The following KIAA1671 variants were observed in gnomAD, a reference collection of about 807,000 sequenced individuals.
The protein encoded by KIAA1671 is uncharacterized protein KIAA1671.
KIAA1671 carries 52 observed loss-of-function variants against 131.2 expected under a neutral mutation model. The observed-to-expected ratio is 0.40, with a 90% CI of 0.32 to 0.50. The LOEUF is 0.50. Ranked by LOEUF, KIAA1671 falls within the 20% of genes least tolerant of loss-of-function variation. The pLI, the probability that KIAA1671 is intolerant of heterozygous loss-of-function variation, is 0.73. For synonymous variants in KIAA1671, 1,003 were observed against 961.6 expected, an observed-to-expected ratio of 1.04 and a Z score of -0.80; for missense variants, 2,360 against 2,364.2, an observed-to-expected ratio of 1.00 and a Z score of 0.04.
intron 1 of KIAA1671, among the ~76,000 whole-genome samples, chr22:24,981,631 C>T (rs1203961303): frequency 3.9e-5 from 6 of 152,190 alleles, no homozygotes; most frequent in African/African-American, 9.7e-5. Context: ...AAAACTCGGC[C>T]AGGTGCCTGG....
intron 1 of KIAA1671, among the ~76,000 whole-genome samples, chr22:24,963,070 A>G (rs2123800617): frequency 6.6e-6 from 1 of 152,028 alleles, no homozygotes; most frequent in African/African-American, 2.4e-5. Context: ...GTTAGAGGCC[A>G]CTCACTCTCT....
intron 1 of KIAA1671, among the ~76,000 whole-genome samples, chr22:24,987,418 G>A (rs1264703517): frequency 1.3e-5 from 2 of 151,878 alleles, no homozygotes; most frequent in Non-Finnish European, 2.9e-5. Flanking sequence ...TGATCCACCC[G>A]CCTCGGCCTC....
At chr22:25,110,506 T>C (rs1335768039) in intron 6 of KIAA1671, among the ~76,000 whole-genome samples, 1 of 151,258 alleles carries the variant, frequency 6.6e-6, no homozygotes, top group Non-Finnish European at 1.5e-5. Context: ...AGTGAATCTA[T>C]GTCTCTGAAT....
At position 25,040,503 on chromosome 22, in the gene KIAA1671, A is replaced by G. The variant is rs1926853672; in HGVS notation, c.3373A>G (p.Ile1125Val). Reference sequence around the variant, plus strand: ...TCTGGACCCTTTCAATGGAAGAATCATTGATGTGGATGCCTTATGGAGTCA... The same window carrying G: ...TCTGGACCCTTTCAATGGAAGAATCGTTGATGTGGATGCCTTATGGAGTCA... ...WSLDPFNGRI[I>V]DVDALWSHRG... Residue 1125 changes from isoleucine to valine, a missense_variant, in exon 5 of 13, where the codon ATT becomes GTT. Ile to Val is a conservative substitution (Grantham distance 29). Coordinates refer to ENST00000358431, the MANE Select transcript of KIAA1671 (RefSeq NM_001145206.2). 1 of 1,551,888 alleles carries G rather than the reference A, an allele frequency of 6.4e-7. No homozygotes were observed. The highest frequency in any genetic ancestry group is 8.7e-7 in the Non-Finnish European group (1 of 1,147,024).
chr22:25,095,499 A>G (rs944194344), intron 6 of KIAA1671, among the ~76,000 whole-genome samples: 2 of 152,058 alleles, frequency 1.3e-5, no homozygotes, highest in African/African-American at 4.8e-5. Context: ...AAAATATAAA[A>G]AATTAGCCAG....
intron 1 of KIAA1671, among the ~76,000 whole-genome samples, chr22:24,986,379 A>G (rs960205800): frequency 2.0e-5 from 3 of 152,144 alleles, no homozygotes; most frequent in Admixed American, 6.5e-5. Flanking sequence ...TAACCTATAC[A>G]TATCCTCCCA....
intron 4 of KIAA1671, among the ~76,000 whole-genome samples, chr22:25,038,152 A>G (rs896137858): frequency 6.6e-6 from 1 of 151,786 alleles, no homozygotes; most frequent in Non-Finnish European, 1.5e-5. Flanking sequence ...TTCCTTTTAA[A>G]AGATTATTAT....
At chr22:25,036,781 A>G (rs1195693280) in intron 4 of KIAA1671, among the ~76,000 whole-genome samples, 1 of 151,942 alleles carries the variant, frequency 6.6e-6, no homozygotes, top group African/African-American at 2.4e-5. Context: ...AAAATTAGCC[A>G]GGCGTGGTGG....
chr22:25,043,866 C>T (rs1441073696), intron 5 of KIAA1671, among the ~76,000 whole-genome samples: 1 of 152,142 alleles, frequency 6.6e-6, no homozygotes, highest in Non-Finnish European at 1.5e-5. Context: ...CAAATCAGGC[C>T]ACAGATTCTT....
chr22:25,127,987 G>A lies in KIAA1671; in HGVS notation c.4531-42833G>A, dbSNP rs114186715. 3.0e-3 allele frequency among the ~76,000 whole-genome samples: 455 copies of A among 152,326 alleles called. 1 individual carries two copies. Among genetic ancestry groups the A allele is most frequent in the African/African-American group, 0.01 (433 of 41,576 alleles). ...ACAACAGGGGTACAGATGGGCCTGA[G>A]TTCAAATCCTGGCACCACACTTCTG... is the stretch of plus-strand genomic sequence containing the variant. On this transcript the variant is annotated intron_variant, in intron 6 of 12. Transcript: ENST00000358431.
At chr22:25,076,364 T>C (rs1929108705) in intron 6 of KIAA1671, among the ~76,000 whole-genome samples, 1 of 152,196 alleles carries the variant, frequency 6.6e-6, no homozygotes, top group African/African-American at 2.4e-5. Flanking sequence ...AGCTGTCTCC[T>C]GTGTCAGCTT....
intron 1 of KIAA1671, among the ~76,000 whole-genome samples, chr22:24,997,482 A>G (rs191612081): frequency 6.6e-6 from 1 of 152,250 alleles, no homozygotes; most frequent in East Asian, 1.9e-4. Context: ...CAAAGCTGAC[A>G]TGTCGATGTC....
intron 1 of KIAA1671, among the ~76,000 whole-genome samples, chr22:25,016,662 T>A (rs551882209): frequency 2.4e-3 from 363 of 152,236 alleles, no homozygotes; most frequent in Middle Eastern, 0.017. Flanking sequence ...ACAGAAAGAT[T>A]AGTGGTTGCC....
chr22:25,170,886 G>A lies in KIAA1671; in HGVS notation c.4597G>A (p.Glu1533Lys), dbSNP rs1047907039. ...CAAGGACACTGACACCCTCGTGCACGAAGCCGGCAGCCAGTATGGGACGTG... is the reference window on the plus strand; with the variant it reads ...CAAGGACACTGACACCCTCGTGCACAAAGCCGGCAGCCAGTATGGGACGTG... ...EPKDTDTLVH[E>K]AGSQYGTWTE... is the part of the protein sequence containing the mutation. Residue 1533 changes from glutamate to lysine, a missense_variant, in exon 7 of 13, where the codon GAA becomes AAA. This residue lies in a region of KIAA1671 where 1,161 missense variants were observed against 1,204.7 expected (regional missense o/e 0.96). Transcript: ENST00000358431. 9 of 1,551,554 alleles carry A rather than the reference G, an allele frequency of 5.8e-6. No homozygotes were observed. Among genetic ancestry groups the A allele is most frequent in the African/African-American group, 5.5e-5 (4 of 73,032 alleles).
intron 1 of KIAA1671, among the ~76,000 whole-genome samples, chr22:25,020,566 T>C (rs1351889728): frequency 6.6e-6 from 1 of 152,140 alleles, no homozygotes; most frequent in African/African-American, 2.4e-5. Context: ...GCTCACAGTC[T>C]AGTGGAGGAA....
chr22:24,984,862 C>T (rs1310075508), intron 1 of KIAA1671, among the ~76,000 whole-genome samples: 2 of 142,118 alleles, frequency 1.4e-5, no homozygotes, highest in African/African-American at 2.7e-5. Flanking sequence ...TGCGGTGAGC[C>T]GAGATCGTGT....
At chr22:24,973,388 G>GTTTT (rs1262993644) in intron 1 of KIAA1671, among the ~76,000 whole-genome samples, 1 of 75,314 alleles carries the variant, frequency 1.3e-5, no homozygotes, top group African/African-American at 5.7e-5. Flanking sequence ...TGCATATGAT[G>GTTTT]GTTTTTTTTT....
intron 6 of KIAA1671, among the ~76,000 whole-genome samples, chr22:25,164,998 T>C (rs1933596841): frequency 6.8e-6 from 1 of 147,114 alleles, no homozygotes; most frequent in Non-Finnish European, 1.5e-5. Context: ...TGTGTGTGTG[T>C]GTGTGTGTGT....
At chr22:25,129,597 CTT>C (rs1177999807) in intron 6 of KIAA1671, among the ~76,000 whole-genome samples, 1 of 150,738 alleles carries the variant, frequency 6.6e-6, no homozygotes, top group Non-Finnish European at 1.5e-5. Context: ...CAGCATGTGA[CTT>C]AAGCAGCTTG....
Sources: gnomAD v4.1 joint callset for allele counts (sites outside exome capture counted in the v4.1 genomes callset) on GRCh38, gnomAD v4.1.1 for gene constraint, gnomAD v4.1.1 regional missense constraint, MANE v1.5 for transcripts, NCBI Gene and HGNC (gene_info 2026-07-23, HGNC 2026-07-21) for gene names.